Variants in RHOU observed in about 807,000 individuals in gnomAD.
The protein encoded by RHOU is rho-related GTP-binding protein RhoU.
A neutral mutation model predicts 12.6 loss-of-function variants in RHOU; 8 were observed. The ratio of observed to expected loss-of-function variants is 0.64; its 90% CI spans 0.37 to 1.15. RHOU has a LOEUF of 1.15. RHOU is among the 50% of genes most tolerant of loss of function. The pLI, the probability that RHOU is intolerant of heterozygous loss-of-function variation, is 0.01. For synonymous variants in RHOU, 161 were observed against 147.4 expected (o/e 1.09, Z -0.67); for missense variants, 258 against 347.0 (o/e 0.74, Z 2.04).
At chr1:228,707,635 A>T in the RHOU span, among the ~76,000 whole-genome samples, 1 of 152,126 alleles carries the variant, frequency 6.6e-6, no homozygotes, top group Non-Finnish European at 1.5e-5. Flanking sequence ...CAGAAAGGAC[A>T]TCCACACCAA....
the RHOU span, among the ~76,000 whole-genome samples, chr1:228,700,711 T>G: frequency 6.6e-6 from 1 of 152,166 alleles, no homozygotes; most frequent in African/African-American, 2.4e-5. Context: ...CAAACATATA[T>G]TAAAATAATA....
At position 228,743,737 on chromosome 1, in the gene RHOU, A is replaced by G. The variant is rs1470006002; in HGVS notation, c.774A>G (p.Val258=). ...KSWWKKYCCF[V] ...GGTGGAAGAAGTACTGCTGTTTCGT[A>G]TGATGCTGGCAAGACACCCAGAAAG... Residue 258 remains valine, a synonymous_variant, in exon 3 of 3, where the codon GTA becomes GTG. Coordinates refer to ENST00000366691, the MANE Select transcript of RHOU (RefSeq NM_021205.6). The surrounding 1 kb of genome is among the most constrained non-coding windows in gnomAD (Gnocchi z 5.1). The G allele has an allele frequency of 4.3e-6, 7 of 1,609,692 alleles. No individual in the cohort carries two copies. Among genetic ancestry groups the G allele is most frequent in the South Asian group, 1.1e-5 (1 of 90,486 alleles).
the RHOU span, among the ~76,000 whole-genome samples, chr1:228,683,347 G>A: frequency 6.6e-6 from 1 of 152,188 alleles, no homozygotes; most frequent in Non-Finnish European, 1.5e-5. Flanking sequence ...AAAGGGAGAA[G>A]GAGAAATATG....
chr1:228,707,347 A>T, the RHOU span, among the ~76,000 whole-genome samples: 1 of 145,116 alleles, frequency 6.9e-6, no homozygotes, highest in African/African-American at 2.6e-5. Context: ...GCCGAATAGG[A>T]ACAGCTCCGG....
At chr1:228,672,019 C>G in the RHOU span, among the ~76,000 whole-genome samples, 14 of 152,236 alleles carry the variant, frequency 9.2e-5, no homozygotes, top group African/African-American at 3.4e-4. Flanking sequence ...AGTGTGCACA[C>G]TGGTGCACAT....
intron 2 of RHOU, among the ~76,000 whole-genome samples, chr1:228,741,681 A>T (rs924468661): frequency 1.3e-4 from 20 of 152,106 alleles, no homozygotes; most frequent in Middle Eastern, 3.4e-3. Flanking sequence ...CTTTTTAAAA[A>T]TTTTTTTTAG....
intron 2 of RHOU, among the ~76,000 whole-genome samples, chr1:228,742,659 G>A (rs1267088098): frequency 6.6e-6 from 1 of 152,194 alleles, no homozygotes; most frequent in Non-Finnish European, 1.5e-5. Context: ...GATGACAATG[G>A]ACTGACAAAG....
chr1:228,672,636 A>G, the RHOU span, among the ~76,000 whole-genome samples: 1 of 152,320 alleles, frequency 6.6e-6, no homozygotes, highest in East Asian at 1.9e-4. Flanking sequence ...CACATGCCCA[A>G]GTTTAATACT....
At chr1:228,672,251 T>C in the RHOU span, among the ~76,000 whole-genome samples, 1 of 152,208 alleles carries the variant, frequency 6.6e-6, no homozygotes, top group Non-Finnish European at 1.5e-5. Flanking sequence ...CACTGCAACC[T>C]CTGCCTCCCG....
the RHOU span, among the ~76,000 whole-genome samples, chr1:228,713,301 T>C: frequency 6.6e-6 from 1 of 152,254 alleles, no homozygotes; most frequent in Non-Finnish European, 1.5e-5. Context: ...AGTGGTTTAA[T>C]CAATCATGCC....
chr1:228,690,809 G>A, the RHOU span, among the ~76,000 whole-genome samples: 6 of 151,730 alleles, frequency 4.0e-5, no homozygotes, highest in African/African-American at 1.2e-4. Flanking sequence ...GTAGAGACGC[G>A]GTTTCACCAT....
the RHOU span, among the ~76,000 whole-genome samples, chr1:228,706,023 C>T: frequency 4.6e-5 from 7 of 151,918 alleles, no homozygotes; most frequent in Non-Finnish European, 8.8e-5. Context: ...TCAGCTTGGA[C>T]GAGAAAAGCA....
the RHOU span, among the ~76,000 whole-genome samples, chr1:228,710,527 A>G: frequency 6.6e-6 from 1 of 152,240 alleles, no homozygotes; most frequent in African/African-American, 2.4e-5. Context: ...AATAAATGTA[A>G]TCCAGCATAT....
chr1:228,732,450 C>T (rs972543233), upstream of RHOU, among the ~76,000 whole-genome samples: 3 of 151,954 alleles, frequency 2.0e-5, no homozygotes, highest in Non-Finnish European at 4.4e-5. Flanking sequence ...GACAGTTCAA[C>T]GTAAAAAGGG....
chr1:228,729,854 T>TA, the RHOU span, among the ~76,000 whole-genome samples: 1 of 152,228 alleles, frequency 6.6e-6, no homozygotes, highest in Admixed American at 6.5e-5. Flanking sequence ...TCTAGTTATC[T>TA]ACAAGGTGAT....
chr1:228,662,736 C>T, the RHOU span, among the ~76,000 whole-genome samples: 3 of 151,936 alleles, frequency 2.0e-5, no homozygotes, highest in East Asian at 1.9e-4. Flanking sequence ...ATGTAAATGA[C>T]GAGCTAATGG....
intron 2 of RHOU, among the ~76,000 whole-genome samples, chr1:228,741,063 A>G (rs1327337970): frequency 6.6e-6 from 1 of 151,954 alleles, no homozygotes; most frequent in Non-Finnish European, 1.5e-5. Context: ...CAGCCTTTTG[A>G]CCCATAAAGT....
Position 228,744,848 on chromosome 1 carries a change from CAG to C in RHOU, c.*1110_*1111del, listed in dbSNP as rs1289337470. 1 of 152,210 alleles carries C rather than the reference CAG, an allele frequency of 6.6e-6. No homozygotes were observed. Among genetic ancestry groups the C allele is most frequent in the Non-Finnish European group, 1.5e-5 (1 of 68,040 alleles). 9.4% of individuals were successfully genotyped at this position (152,210 alleles called of 1,614,324 possible). ...ATGGGGAAAAGCGTGGCCACAAAAA[CAG>C]ATGCTAGGAAGCTTGGCTTCCTCTT... On this transcript the variant is annotated 3_prime_UTR_variant, in exon 3 of 3. Coordinates refer to ENST00000366691, the MANE Select transcript of RHOU (RefSeq NM_021205.6).
the RHOU span, among the ~76,000 whole-genome samples, chr1:228,691,499 C>T: frequency 9.9e-5 from 14 of 140,904 alleles, no homozygotes; most frequent in African/African-American, 3.7e-4. Flanking sequence ...ATAGCATATA[C>T]TTGGAATCTT....
Sources: gnomAD v4.1 joint callset for allele counts (sites outside exome capture counted in the v4.1 genomes callset) on GRCh38, gnomAD v4.1.1 for gene constraint, Gnocchi (gnomAD v3.1) non-coding constraint, MANE v1.5 for transcripts, NCBI Gene and HGNC (gene_info 2026-07-23, HGNC 2026-07-21) for gene names.